Variants in TNIP3 observed in about 807,000 individuals in gnomAD.
The protein encoded by TNIP3 is TNFAIP3-interacting protein 3.
In TNIP3, 34 loss-of-function variants were observed where a neutral mutation model predicts 54.1. That is an observed-to-expected ratio of 0.63 (90% CI 0.48 to 0.84). The LOEUF (loss-of-function observed/expected upper bound fraction) is 0.84. Among genes scored for constraint, TNIP3 ranks in the 40% least tolerant of loss-of-function variants. TNIP3 has a pLI of 0.00. For missense variants in TNIP3, 366 were observed against 387.6 expected, an observed-to-expected ratio of 0.94 and a Z score of 0.47; for synonymous variants, 134 against 136.8, an observed-to-expected ratio of 0.98 and a Z score of 0.14.
chr4:121,134,396 T>C (rs148992869), intron 10 of TNIP3, among the ~76,000 whole-genome samples: 1 of 152,348 alleles, frequency 6.6e-6, no homozygotes, highest in Non-Finnish European at 1.5e-5. Flanking sequence ...AATTGTTCTA[T>C]AAACATGGAA....
chr4:121,216,517 TGAA>T, intron 1 of TNIP3: 1 of 1,535,438 alleles, frequency 6.5e-7, no homozygotes, highest in Admixed American at 2.0e-5. Flanking sequence ...TAAAAAAATA[TGAA>T]GGACATGAGG....
intron 2 of TNIP3, among the ~76,000 whole-genome samples, chr4:121,190,909 C>A (rs973341257): frequency 6.6e-6 from 1 of 152,080 alleles, no homozygotes; most frequent in African/African-American, 2.4e-5. Context: ...GGAGCCAGGA[C>A]CCTAGTAGAG....
intron 2 of TNIP3, among the ~76,000 whole-genome samples, chr4:121,196,670 A>G (rs1434720710): frequency 2.0e-5 from 3 of 152,090 alleles, no homozygotes; most frequent in Admixed American, 6.5e-5. Flanking sequence ...ATAACTATAA[A>G]TATTTAGCAA....
chr4:121,154,367 C>A, intron 5 of TNIP3, 184 bp downstream of exon 5: 1 of 695,152 alleles, frequency 1.4e-6, no homozygotes, highest in Non-Finnish European at 2.3e-6. Flanking sequence ...TCTCTAAAGC[C>A]TCCTTAGCCA....
At chr4:121,154,221 T>C in intron 5 of TNIP3, 1 of 297,630 alleles carries the variant, frequency 3.4e-6, no homozygotes, top group Non-Finnish European at 6.3e-6. Context: ...GCTTTTGCGG[T>C]TGACCAAGAG....
chr4:121,155,083 C>G (rs1730005479), intron 4 of TNIP3, among the ~76,000 whole-genome samples: 1 of 151,938 alleles, frequency 6.6e-6, no homozygotes, highest in South Asian at 2.1e-4. Flanking sequence ...CTGCCTCAGC[C>G]TCCCTAGTAG....
At chr4:121,147,463 A>G (rs1200003178) in intron 6 of TNIP3, among the ~76,000 whole-genome samples, 1 of 152,252 alleles carries the variant, frequency 6.6e-6, no homozygotes. Context: ...GAATGCAAAA[A>G]AGAAATGAAA....
upstream of TNIP3, among the ~76,000 whole-genome samples, chr4:121,217,425 T>A (rs1360730248): frequency 1.3e-5 from 2 of 152,324 alleles, no homozygotes; most frequent in East Asian, 3.9e-4. Context: ...ATTGGCAAGC[T>A]GGCTGTACAT....
intron 3 of TNIP3, among the ~76,000 whole-genome samples, chr4:121,170,895 A>G (rs747724429): frequency 8.5e-5 from 13 of 152,236 alleles, no homozygotes; most frequent in Non-Finnish European, 1.3e-4. Flanking sequence ...AGCTCACTGC[A>G]ATCTCTGCCT....
chr4:121,181,244 G>A (rs1411123853), intron 3 of TNIP3, among the ~76,000 whole-genome samples: 1 of 152,058 alleles, frequency 6.6e-6, no homozygotes, highest in Non-Finnish European at 1.5e-5. Flanking sequence ...TGAGGATGAG[G>A]GTACCAGAGG....
At chr4:121,162,603 C>G (rs1280492694) in intron 1 of TNIP3, among the ~76,000 whole-genome samples, 1 of 152,154 alleles carries the variant, frequency 6.6e-6, no homozygotes, top group Admixed American at 6.5e-5. Flanking sequence ...TGCTGTGAGC[C>G]AACCCTACTT....
At chr4:121,223,105 A>G (rs1217123951) in intron 1 of TNIP3, among the ~76,000 whole-genome samples, 5 of 152,168 alleles carry the variant, frequency 3.3e-5, no homozygotes, top group African/African-American at 1.2e-4. Flanking sequence ...GCGCCCAGCC[A>G]GGTGTGTTTG....
intron 2 of TNIP3, among the ~76,000 whole-genome samples, chr4:121,204,390 A>G (rs1487809903): frequency 6.6e-6 from 1 of 152,172 alleles, no homozygotes; most frequent in Non-Finnish European, 1.5e-5. Flanking sequence ...CCTTTTTCAG[A>G]CCAAACCAAT....
intron 9 of TNIP3, among the ~76,000 whole-genome samples, chr4:121,140,904 C>A (rs1030434352): frequency 6.6e-6 from 1 of 152,130 alleles, no homozygotes; most frequent in Non-Finnish European, 1.5e-5. Flanking sequence ...ATTCCTTCAG[C>A]CACCCAAAGA....
At chr4:121,149,199 G>T (rs1262443546) in intron 6 of TNIP3, among the ~76,000 whole-genome samples, 2 of 152,210 alleles carry the variant, frequency 1.3e-5, no homozygotes, top group Admixed American at 6.5e-5. Context: ...TGTAGAGAGT[G>T]CATCCTTACT....
intron 2 of TNIP3, among the ~76,000 whole-genome samples, chr4:121,198,944 T>A (rs1376818037): frequency 6.6e-6 from 1 of 152,182 alleles, no homozygotes; most frequent in Non-Finnish European, 1.5e-5. Flanking sequence ...GAGACTGCCT[T>A]TAACATGTAA....
chr4:121,158,942 C>T (rs868556001), intron 2 of TNIP3, among the ~76,000 whole-genome samples, 190 bp from the exon 3 acceptor site: 6 of 152,214 alleles, frequency 3.9e-5, no homozygotes, highest in South Asian at 2.1e-4. Context: ...ATAACTGGTT[C>T]GTATATGAAA....
chr4:121,149,251 G>C (rs939302719), intron 6 of TNIP3, among the ~76,000 whole-genome samples: 1 of 152,194 alleles, frequency 6.6e-6, no homozygotes, highest in African/African-American at 2.4e-5. Flanking sequence ...TTAGGTGAGT[G>C]GGGAGGAGAA....
chr4:121,196,111 G>A (rs1725567478), intron 2 of TNIP3, among the ~76,000 whole-genome samples: 1 of 152,096 alleles, frequency 6.6e-6, no homozygotes, highest in Non-Finnish European at 1.5e-5. Context: ...TAGAGTTGAG[G>A]GAACTGAGAC....
Sources: allele counts gnomAD v4.1 joint callset (sites outside exome capture counted in the v4.1 genomes callset), GRCh38; gene constraint gnomAD v4.1.1; transcripts MANE v1.5; gene names NCBI Gene and HGNC (gene_info 2026-07-23, HGNC 2026-07-21).